Variants in TEK observed in about 807,000 individuals in gnomAD.
The protein encoded by TEK is angiopoietin-1 receptor.
A neutral mutation model predicts 131.8 loss-of-function variants in TEK; 43 were observed. That is an observed-to-expected ratio of 0.33 (90% CI 0.26 to 0.42). TEK has a LOEUF of 0.42. TEK is among the 10% of genes least tolerant of loss of function. The probability of loss-of-function intolerance (pLI) is 1.00; values close to 1 mark genes in which losing one functional copy is unlikely to be tolerated. For synonymous variants in TEK, 580 were observed against 491.6 expected (o/e 1.18, Z -2.38); for missense variants, 1,162 against 1,384.4 (o/e 0.84, Z 2.55).
intron 2 of TEK, among the ~76,000 whole-genome samples, chr9:27,164,285 G>A (rs1823647415): frequency 6.6e-6 from 1 of 151,112 alleles, no homozygotes; most frequent in Admixed American, 6.6e-5. Context: ...TCGCTCTGTT[G>A]CCCAGGCTGG....
intron 6 of TEK, among the ~76,000 whole-genome samples, chr9:27,174,536 G>A (rs976480142): frequency 6.6e-6 from 1 of 152,092 alleles, no homozygotes; most frequent in Non-Finnish European, 1.5e-5. Flanking sequence ...CTTTTTCATA[G>A]TAAGTCTTTG....
At chr9:27,136,232 C>A (rs1041340697) in intron 1 of TEK, among the ~76,000 whole-genome samples, 2 of 152,008 alleles carry the variant, frequency 1.3e-5, no homozygotes, top group Admixed American at 6.6e-5. Context: ...TAGGTGCATG[C>A]CACCACGCCC....
intron 1 of TEK, among the ~76,000 whole-genome samples, chr9:27,152,502 C>G (rs1246100278): frequency 1.3e-5 from 2 of 151,086 alleles, no homozygotes; most frequent in African/African-American, 4.9e-5. Flanking sequence ...TCCCCTTCAT[C>G]TGTGAAAAAA....
chr9:27,211,302 ATAAT>A (rs1490038277), intron 16 of TEK, among the ~76,000 whole-genome samples: 1 of 150,170 alleles, frequency 6.7e-6, no homozygotes, highest in African/African-American at 2.4e-5. Flanking sequence ...TTATTTTAAA[ATAAT>A]TCAGTAAAGA....
intron 1 of TEK, among the ~76,000 whole-genome samples, chr9:27,144,291 G>A (rs972879465): frequency 2.0e-5 from 3 of 151,932 alleles, no homozygotes; most frequent in African/African-American, 7.3e-5. Flanking sequence ...AAAAAAAAAA[G>A]GAAAAGGAGA....
intron 2 of TEK, among the ~76,000 whole-genome samples, chr9:27,163,228 G>A (rs990281129): frequency 6.6e-6 from 1 of 152,174 alleles, no homozygotes. Context: ...ATCTGGGAAG[G>A]TGAAGTCAGG....
intron 6 of TEK, among the ~76,000 whole-genome samples, chr9:27,175,945 TC>T (rs1465499447): frequency 3.9e-5 from 6 of 152,200 alleles, no homozygotes; most frequent in Non-Finnish European, 8.8e-5. Flanking sequence ...GGTTGCCTGT[TC>T]ACTCTGATGG....
intron 6 of TEK, among the ~76,000 whole-genome samples, chr9:27,175,093 C>T (rs1453254491): frequency 4.1e-5 from 6 of 147,414 alleles, no homozygotes; most frequent in Admixed American, 2.7e-4. Flanking sequence ...CCCATCAACT[C>T]GTCATTTAGC....
In TEK at chr9:27,197,333, G is replaced by A. The variant is rs1439398603; in HGVS notation, c.1643G>A (p.Gly548Asp). The A allele has an allele frequency of 1.2e-6, 2 of 1,613,912 alleles. No individual in the cohort carries two copies. The highest frequency in any genetic ancestry group is 1.3e-5 in the African/African-American group (1 of 74,888). The stretch of plus-strand genomic sequence containing the variant: ...CTCCTAGGACTCCCTCCTCCAAGAG[G>A]TCTAAATCTCCTGCCTAAAAGTCAG... ...TASIGLPPPR[G>D]LNLLPKSQTT... Residue 548 changes from glycine (G) to aspartate (D), a missense_variant, in exon 12 of 23, where the codon GGT (glycine) becomes GAT (aspartate). By Grantham distance (94) the Gly-to-Asp change is moderately conservative. This residue lies in a region of TEK where 477 missense variants were observed against 471.0 expected (regional missense o/e 1.01). Coordinates refer to ENST00000380036, the MANE Select transcript of TEK (RefSeq NM_000459.5).
chr9:27,207,207 TC>T (rs1825429397), intron 15 of TEK, among the ~76,000 whole-genome samples: 1 of 152,224 alleles, frequency 6.6e-6, no homozygotes, highest in Non-Finnish European at 1.5e-5. Context: ...TCTGCATTTT[TC>T]ATTAGTTTTC....
Position 27,219,598 on chromosome 9 carries a change from T to C in TEK, c.3104-451T>C, listed in dbSNP as rs149895846. ...GCAGCAAACCACCCACCATGGCACA[T>C]GTATCTCAGAACTTAAAATTTAAAA... On this transcript the variant is annotated intron_variant, in intron 20 of 22. Coordinates refer to ENST00000380036, the MANE Select transcript of TEK (RefSeq NM_000459.5). Among the ~76,000 whole-genome samples the C allele has an allele frequency of 6.3e-4, 71 of 112,010 alleles. No homozygotes were observed. In the South Asian group the frequency reaches 0.021, roughly 32 times the overall value. 73.5% of individuals were successfully genotyped at this position (112,010 alleles called of 152,430 possible). A position where few individuals can be genotyped will look rare whatever the true frequency, so the allele number is the denominator to read the frequency against.
At chr9:27,224,976 G>C (rs554573879) in intron 21 of TEK, among the ~76,000 whole-genome samples, 1 of 152,286 alleles carries the variant, frequency 6.6e-6, no homozygotes, top group Admixed American at 6.5e-5. Context: ...GACAAACAGA[G>C]AGCCAAACCA....
intron 1 of TEK, among the ~76,000 whole-genome samples, chr9:27,135,564 CG>C (rs947326446): frequency 3.9e-5 from 6 of 152,078 alleles, no homozygotes; most frequent in Admixed American, 6.6e-5. Context: ...ATAAAATTTA[CG>C]AAAATTTTTT....
intron 1 of TEK, among the ~76,000 whole-genome samples, chr9:27,120,251 G>A (rs547172827): frequency 6.6e-6 from 1 of 152,336 alleles, no homozygotes; most frequent in Non-Finnish European, 1.5e-5. Context: ...ACTCTTTGCA[G>A]TTTCCAAACA....
chr9:27,225,960 G>T (rs1292135898), intron 21 of TEK, among the ~76,000 whole-genome samples: 1 of 152,198 alleles, frequency 6.6e-6, no homozygotes, highest in African/African-American at 2.4e-5. Context: ...AGATATTTAT[G>T]CAGACAACAA....
At chr9:27,172,528 T>C in intron 4 of TEK, 88 bp from the exon 5 acceptor site, 1 of 1,565,800 alleles carries the variant, frequency 6.4e-7, no homozygotes, top group Non-Finnish European at 8.7e-7. Flanking sequence ...CATTGTCCAC[T>C]GAATGACTGA....
At chr9:27,147,473 G>A (rs1330850471) in intron 1 of TEK, among the ~76,000 whole-genome samples, 2 of 151,580 alleles carry the variant, frequency 1.3e-5, no homozygotes, top group African/African-American at 4.9e-5. Context: ...ATGCATTCTA[G>A]ATGCAAGTCA....
chr9:27,205,214 T>C (rs753778937), intron 14 of TEK, 149 bp downstream of exon 14: 8 of 1,043,436 alleles, frequency 7.7e-6, no homozygotes, highest in Non-Finnish European at 1.1e-5. Flanking sequence ...CATTATGAAA[T>C]GGGAGATAAA....
At chr9:27,220,606 G>A (rs187820888) in intron 21 of TEK, among the ~76,000 whole-genome samples, 2 of 152,292 alleles carry the variant, frequency 1.3e-5, no homozygotes, top group African/African-American at 2.4e-5. Flanking sequence ...TGAGGTACCC[G>A]GCTCATCTCA....
Sources: allele counts gnomAD v4.1 joint callset (sites outside exome capture counted in the v4.1 genomes callset), GRCh38; gene constraint gnomAD v4.1.1; regional missense constraint gnomAD v4.1.1; transcripts MANE v1.5; gene names NCBI Gene and HGNC (gene_info 2026-07-23, HGNC 2026-07-21).